XIAP: variants seen among roughly 807,000 people sequenced by gnomAD.
XIAP encodes E3 ubiquitin-protein ligase XIAP.
XIAP carries 3 observed loss-of-function variants against 33.1 expected under a neutral mutation model. That is an observed-to-expected ratio of 0.09 (90% confidence interval 0.04 to 0.23). The LOEUF (loss-of-function observed/expected upper bound fraction) is 0.23. XIAP is among the 10% of genes least tolerant of loss of function. XIAP has a pLI of 1.00. For missense variants in XIAP, 264 were observed against 363.0 expected (o/e 0.73, Z 2.22); for synonymous variants, 98 against 121.3 (o/e 0.81, Z 1.26).
intron 5 of XIAP, among the ~76,000 whole-genome samples, chrX:123,899,746 G>T (rs1458148781): frequency 9.3e-6 from 1 of 107,159 alleles, no homozygotes; most frequent in African/African-American, 3.4e-5. Context: ...GCTGTGTAGC[G>T]TATGAATATA....
chrX:123,899,167 G>T (rs2053491276), intron 5 of XIAP, among the ~76,000 whole-genome samples: 4 of 22,095 alleles, frequency 1.8e-4, no homozygotes, highest in East Asian at 8.8e-4. Flanking sequence ...ATATATATAT[G>T]ATTTTATATA....
At chrX:123,877,499 C>T (rs1041312466) in intron 1 of XIAP, among the ~76,000 whole-genome samples, 6 of 112,325 alleles carry the variant, frequency 5.3e-5, no homozygotes, top group Non-Finnish European at 1.1e-4. Context: ...GCTTCAAGTG[C>T]TTCATAACAT....
At chrX:123,878,117 C>A (rs1251619803) in intron 1 of XIAP, among the ~76,000 whole-genome samples, 2 of 111,944 alleles carry the variant, frequency 1.8e-5, no homozygotes, top group Admixed American at 9.5e-5. Context: ...TCCCATTTTC[C>A]ATATCAAAAG....
At position 123,911,738 on chromosome X, in the gene XIAP, C is replaced by A. The variant is rs903126343; in HGVS notation, c.*4557C>A. 3 of 327,522 alleles carry A rather than the reference C, an allele frequency of 9.2e-6. No homozygotes were observed. The highest frequency in any genetic ancestry group is 1.8e-5 in the Non-Finnish European group (3 of 169,767). 27.0% of individuals were successfully genotyped at this position (327,522 alleles called of 1,213,427 possible). A position where few individuals can be genotyped will look rare whatever the true frequency, so the allele number is the denominator to read the frequency against. On this transcript the variant is annotated 3_prime_UTR_variant, in exon 7 of 7. Transcript: ENST00000371199. ...TTCTTAAAAAATTGAAAAGATTATT[C>A]TTCTCAAATTTAGTTGAGCTTTCTA...
rs1186271285 is a variant in XIAP, at chrX:123,899,144, A to AAAAAATATATATAT, written c.1100-1348_1100-1347insAAAATATATATATA. On this transcript the variant is annotated intron_variant, in intron 5 of 6. Transcript: ENST00000371199. ...CAAAAAAAAAAAAAAAAAAAAAAAA[A>AAAAAATATATATAT]ATATATATATATATATATATATGAT... Among the ~76,000 whole-genome samples the AAAAAATATATATAT allele has an allele frequency of 4.0e-5, 2 of 50,182 alleles. 1 individual carries two copies. The highest frequency in any genetic ancestry group is 1.7e-4 in the African/African-American group (2 of 11,838). 43.6% of individuals were successfully genotyped at this position (50,182 alleles called of 115,157 possible).
chrX:123,898,404 C>T (rs181188153), intron 5 of XIAP, among the ~76,000 whole-genome samples: 182 of 111,306 alleles, frequency 1.6e-3, no homozygotes, highest in Non-Finnish European at 3.2e-3. Context: ...GCTCCGTCAC[C>T]GAGGCTGGAG....
intron 6 of XIAP, 83 bp from the exon 7 acceptor site, chrX:123,906,905 A>G: frequency 1.8e-6 from 2 of 1,113,140 alleles, no homozygotes; most frequent in Admixed American, 2.3e-5. Context: ...CTTGGCACGT[A>G]GTAGGGGCTC....
chrX:123,895,411 G>T (rs192951521), intron 5 of XIAP, among the ~76,000 whole-genome samples: 190 of 112,086 alleles, frequency 1.7e-3, no homozygotes, highest in African/African-American at 5.9e-3. Flanking sequence ...ATGAACATTT[G>T]TGCATAAGTT....
At chrX:123,877,990 T>C (rs375965580) in intron 1 of XIAP, among the ~76,000 whole-genome samples, 1 of 48,993 alleles carries the variant, frequency 2.0e-5, no homozygotes, top group Non-Finnish European at 4.2e-5. Flanking sequence ...AAAAAAAGAA[T>C]TTAAAGAATA....
chrX:123,876,659 C>T (rs1360381344), intron 1 of XIAP, among the ~76,000 whole-genome samples: 2 of 110,858 alleles, frequency 1.8e-5, no homozygotes, highest in African/African-American at 3.3e-5. Context: ...GAGCTATGAT[C>T]ACACTACTGC....
At chrX:123,906,190 A>G (rs2053554474) in intron 6 of XIAP, among the ~76,000 whole-genome samples, 1 of 112,219 alleles carries the variant, frequency 8.9e-6, no homozygotes, top group African/African-American at 3.2e-5. Context: ...TTCACATTTC[A>G]CAAAACTATT....
intron 5 of XIAP, among the ~76,000 whole-genome samples, chrX:123,897,545 G>T (rs1013457167): frequency 5.4e-5 from 6 of 111,385 alleles, no homozygotes; most frequent in African/African-American, 2.0e-4. Flanking sequence ...GTTGCTGGTA[G>T]GGAAAGTGTC....
chrX:123,895,309 C>T lies in XIAP; in HGVS notation c.1099+2536C>T, dbSNP rs73551888. ...TTCTTTTCTATTGTAGAAAAAGAGT[C>T]CATTGTATAAATAATACCACATTTT... On this transcript the variant is annotated intron_variant, in intron 5 of 6. Transcript: ENST00000371199. Among the ~76,000 whole-genome samples the T allele has an allele frequency of 5.1e-3, 573 of 112,296 alleles. 4 individuals carry two copies. Among genetic ancestry groups the T allele is most frequent in the African/African-American group, 0.018 (548 of 30,958 alleles).
At chrX:123,863,736 G>A (rs998029901) in intron 1 of XIAP, among the ~76,000 whole-genome samples, 3 of 111,106 alleles carry the variant, frequency 2.7e-5, no homozygotes, top group Admixed American at 9.7e-5. Context: ...TCAAACTCCC[G>A]ACCTCAGGTG....
intron 5 of XIAP, 89 bp from the exon 6 acceptor site, chrX:123,900,404 C>T: frequency 1.2e-6 from 1 of 832,110 alleles, no homozygotes; most frequent in South Asian, 2.4e-5. Context: ...TTAATTTTTT[C>T]ATTTTAACTA....
At chrX:123,896,286 C>G (rs979122920) in intron 5 of XIAP, among the ~76,000 whole-genome samples, 1 of 106,840 alleles carries the variant, frequency 9.4e-6, no homozygotes, top group African/African-American at 3.4e-5. Context: ...CTGGTGGTCT[C>G]GAACCCCTGG....
intron 5 of XIAP, among the ~76,000 whole-genome samples, chrX:123,895,646 G>T (rs2053452394): frequency 9.0e-6 from 1 of 111,551 alleles, no homozygotes; most frequent in Non-Finnish European, 1.9e-5. Flanking sequence ...ATGTGACATG[G>T]TATCTCATTG....
intron 1 of XIAP, among the ~76,000 whole-genome samples, chrX:123,879,558 G>A (rs1256813584): frequency 3.7e-5 from 4 of 107,297 alleles, no homozygotes; most frequent in Admixed American, 1.0e-4. Flanking sequence ...CTCGTGATCC[G>A]CCTGCCTTGG....
intron 5 of XIAP, among the ~76,000 whole-genome samples, chrX:123,894,875 C>T (rs989836838): frequency 1.8e-5 from 2 of 110,235 alleles, no homozygotes; most frequent in African/African-American, 3.3e-5. Context: ...ACCTGGAAGG[C>T]GGAGGTTTCT....
Sources: gnomAD v4.1 joint callset for allele counts (sites outside exome capture counted in the v4.1 genomes callset) on GRCh38, gnomAD v4.1.1 for gene constraint, MANE v1.5 for transcripts, NCBI Gene and HGNC (gene_info 2026-07-23, HGNC 2026-07-21) for gene names.